Variants in MICALL1 observed in about 807,000 individuals in gnomAD.
MICALL1 encodes the protein MICAL like 1, also known as MICAL-like protein 1.
Under a neutral mutation model 83.7 loss-of-function variants are expected in MICALL1, and 61 were observed. That is an observed-to-expected ratio of 0.73 (90% CI 0.59 to 0.90). The LOEUF is 0.90. MICALL1 is among the 40% of genes least tolerant of loss of function. The pLI is 0.00. For synonymous variants in MICALL1, 481 were observed against 473.6 expected, an observed-to-expected ratio of 1.02 and a Z score of -0.20; for missense variants, 1,066 against 1,152.0, an observed-to-expected ratio of 0.93 and a Z score of 1.08.
chr22:37,935,914 G>A (rs930272161), intron 13 of MICALL1, among the ~76,000 whole-genome samples: 1 of 151,914 alleles, frequency 6.6e-6, no homozygotes, highest in African/African-American at 2.4e-5. Context: ...ATTTTTAGTA[G>A]AGACGAGGTT....
At position 37,927,487 on chromosome 22, in the gene MICALL1, G is replaced by C. The variant is rs767551598; in HGVS notation, c.1542G>C (p.Leu514=). Residue 514 remains leucine, a synonymous_variant, in exon 9 of 16, where the codon CTG becomes CTC. Transcript: ENST00000215957. The part of the protein sequence containing the change: ...TPSPALSVES[L]SSESASQTAG... The stretch of plus-strand genomic sequence containing the variant: ...CGCCAGCGCTCAGCGTGGAGAGCCT[G>C]TCGTCTGAGAGCGCCAGCCAGACTG... 1 of 1,612,024 alleles carries C rather than the reference G, an allele frequency of 6.2e-7. No individual in the cohort carries two copies. The highest frequency in any genetic ancestry group is 1.1e-5 in the South Asian group (1 of 91,058).
intron 14 of MICALL1, 37 bp downstream of exon 14, chr22:37,937,231 G>A (rs1283478485): frequency 6.8e-7 from 1 of 1,475,100 alleles, no homozygotes; most frequent in Non-Finnish European, 9.2e-7. Context: ...TGGGGGCAGG[G>A]CCAGAGCAGG....
rs9610875 is a variant in MICALL1, at chr22:37,927,500, G to T, written c.1555G>T (p.Ala519Ser). 377,273 of 1,612,308 alleles carry T rather than the reference G, an allele frequency of 0.23. 46,204 individuals carry two copies. Among genetic ancestry groups the T allele is most frequent in the Admixed American group, 0.28 (16,951 of 59,968 alleles). ...CGTGGAGAGCCTGTCGTCTGAGAGC[G>T]CCAGCCAGACTGCAGGTGCAGAGCT... is the stretch of plus-strand genomic sequence containing the variant. Reference protein sequence around the residue: ...LSVESLSSESASQTAGAELLE... With the variant: ...LSVESLSSESSSQTAGAELLE... Residue 519 changes from alanine to serine, a missense_variant, in exon 9 of 16, where the codon GCC becomes TCC. Transcript: ENST00000215957.
intron 4 of MICALL1, among the ~76,000 whole-genome samples, chr22:37,918,264 G>A (rs1322031707): frequency 6.6e-6 from 1 of 152,228 alleles, no homozygotes; most frequent in Non-Finnish European, 1.5e-5. Flanking sequence ...AGGAAACTGA[G>A]GCTCAGTGAG....
At chr22:37,928,852 G>T (rs1052251827) in intron 9 of MICALL1, among the ~76,000 whole-genome samples, 4 of 152,152 alleles carry the variant, frequency 2.6e-5, no homozygotes, top group Non-Finnish European at 4.4e-5. Flanking sequence ...GGCTGGGCGT[G>T]GTGGCTCACA....
At position 37,937,767 on chromosome 22, in the gene MICALL1, G is replaced by A. The variant is rs753083334; in HGVS notation, c.2445G>A (p.Met815Ile). The A allele has an allele frequency of 3.1e-6, 5 of 1,613,686 alleles. No homozygotes were observed. In the South Asian group the frequency reaches 4.4e-5, roughly 14 times the overall value. The change falls in exon 15 of 16, where the codon ATG (methionine) becomes ATA (isoleucine). Residue 815 changes from methionine to isoleucine, a missense_variant. Transcript: ENST00000215957. ...TCAGGGAGGAAGAGGAAGACAAGAT[G>A]TTGGAAGCCATGATCAAGAAGAAAG... Reference protein sequence around the residue: ...DRQREEEEDKMLEAMIKKKEF... With the variant: ...DRQREEEEDKILEAMIKKKEF...
intron 3 of MICALL1, among the ~76,000 whole-genome samples, chr22:37,915,906 C>G (rs1169464607): frequency 6.6e-6 from 1 of 152,196 alleles, no homozygotes; most frequent in African/African-American, 2.4e-5. Context: ...CTTGGCCTCC[C>G]AAAGTGCTGG....
At chr22:37,921,014 G>A (rs1399539177) in intron 5 of MICALL1, among the ~76,000 whole-genome samples, 2 of 151,916 alleles carry the variant, frequency 1.3e-5, no homozygotes, top group Non-Finnish European at 2.9e-5. Flanking sequence ...CTTGAGCCCA[G>A]GAGTTTGAGG....
At position 37,931,951 on chromosome 22, in the gene MICALL1, C is replaced by T; in HGVS notation, c.2016+18C>T. On this transcript the variant is annotated intron_variant, in intron 10 of 15. Transcript: ENST00000215957. ...AACGCAAGGTACCAGCTGGGAGCCC[C>T]CCGAGACCAGGCTGGCCTGGGCTGG... 6.2e-7 allele frequency: 1 copy of T among 1,611,818 alleles called. No homozygotes were observed. Among genetic ancestry groups the T allele is most frequent in the Non-Finnish European group, 8.5e-7 (1 of 1,179,182 alleles).
At chr22:37,931,750 A>G (rs6000944) in intron 9 of MICALL1, 49 bp from the exon 10 acceptor site, 1 of 1,609,532 alleles carries the variant, frequency 6.2e-7, no homozygotes, top group Non-Finnish European at 8.5e-7. Context: ...CTGGGGTCTC[A>G]CGTGCCCTCT....
At chr22:37,931,595 G>A (rs1056665912) in intron 9 of MICALL1, among the ~76,000 whole-genome samples, 7 of 152,100 alleles carry the variant, frequency 4.6e-5, no homozygotes, top group African/African-American at 1.7e-4. Context: ...ACTGACACAC[G>A]GGAAGAGCTC....
Position 37,934,962 on chromosome 22 carries a change from C to T in MICALL1, c.2308+1850C>T, listed in dbSNP as rs973989153. ...TATTTTATTTTTTGAGATGGAGTCT[C>T]ACTCTGTTGCCCAGGCTGGAGGGCA... is the stretch of plus-strand genomic sequence containing the variant. On this transcript the variant is annotated intron_variant, in intron 13 of 15. Coordinates refer to ENST00000215957, the MANE Select transcript of MICALL1 (RefSeq NM_033386.4). Among the ~76,000 whole-genome samples the T allele has an allele frequency of 4.7e-5, 7 of 150,422 alleles. No individual in the cohort carries two copies. The Admixed American group carries it at 4.7e-4, about 10-fold the overall frequency.
intron 4 of MICALL1, among the ~76,000 whole-genome samples, chr22:37,918,050 A>G (rs1234519438): frequency 2.6e-5 from 4 of 152,240 alleles, no homozygotes; most frequent in Non-Finnish European, 5.9e-5. Context: ...AGGTGGGGTC[A>G]GGAGATGCCA....
intron 3 of MICALL1, among the ~76,000 whole-genome samples, 198 bp downstream of exon 3, chr22:37,912,690 G>A: frequency 7.0e-6 from 1 of 143,300 alleles, no homozygotes; most frequent in South Asian, 2.3e-4. Context: ...TTTTTGAGAT[G>A]GAGTCTTGCC....
rs1928348358 is a variant in MICALL1, at chr22:37,911,928, CCCTCCT to C, written c.147-21_147-16del. On this transcript the variant is annotated intron_variant, in intron 1 of 15. Transcript: ENST00000215957. ...CCCAGTCACCTCCCCTCTTGACCAA[CCCTCCT>C]CCCTTTGCCTCTTGCAGAGATTTTG... 5.6e-6 allele frequency: 9 copies of C among 1,613,944 alleles called. No homozygotes were observed. Among genetic ancestry groups the C allele is most frequent in the Non-Finnish European group, 7.6e-6 (9 of 1,179,796 alleles).
At chr22:37,940,661 G>A (rs775945646) in intron 15 of MICALL1, 48 bp from the exon 16 acceptor site, 3 of 1,607,228 alleles carry the variant, frequency 1.9e-6, no homozygotes, top group Non-Finnish European at 2.6e-6. Flanking sequence ...TGCCCTGGAT[G>A]TACCCCTCTT....
Position 37,922,299 on chromosome 22 carries a change from C to A in MICALL1, c.897C>A (p.Gly299=), listed in dbSNP as rs754818226. The A allele has an allele frequency of 3.9e-6, 6 of 1,546,222 alleles. No homozygotes were observed. Among genetic ancestry groups the A allele is most frequent in the Non-Finnish European group, 5.2e-6 (6 of 1,146,336 alleles). Residue 299 remains glycine (G), a synonymous_variant, in exon 6 of 16, where the codon GGC becomes GGA. Transcript: ENST00000215957. ...AGGAGCTGGCCAGCCCCCCTGCGGG[C>A]CGCCCCACCCCTGCCCCCAGGAAGG... is the stretch of plus-strand genomic sequence containing the variant. ...KLQELASPPA[G]RPTPAPRKAS... is the part of the protein sequence containing the mutation.
In MICALL1 at chr22:37,925,962, C is replaced by T. The variant is rs1317234204; in HGVS notation, c.1384C>T (p.Pro462Ser). Reference sequence around the variant, plus strand: ...GGAGTCCACACCCAAGTCCCTGCACCCCTGGTACGGCATCACCCCTACCAG... The same window carrying T: ...GGAGTCCACACCCAAGTCCCTGCACTCCTGGTACGGCATCACCCCTACCAG... ...HPESTPKSLH[P>S]WYGITPTSSP... The change falls in exon 8 of 16, where the codon CCC becomes TCC. Residue 462 changes from proline (P) to serine (S), a missense_variant. Transcript: ENST00000215957. 2 of 1,613,800 alleles carry T rather than the reference C, an allele frequency of 1.2e-6. No homozygotes were observed. Among genetic ancestry groups the T allele is most frequent in the African/African-American group, 2.7e-5 (2 of 74,936 alleles).
At position 37,906,651 on chromosome 22, in the gene MICALL1, C is replaced by G. The variant is rs1927967474; in HGVS notation, c.146+83C>G. The G allele has an allele frequency of 1.8e-6, 2 of 1,109,694 alleles. No homozygotes were observed. The highest frequency in any genetic ancestry group is 1.1e-6 in the Non-Finnish European group (1 of 905,342). The allele number at this position is 1,109,694 out of a possible 1,614,324, so 68.7% of individuals were successfully genotyped here. On this transcript the variant is annotated intron_variant, in intron 1 of 15. Transcript: ENST00000215957. The surrounding 1 kb of genome is among the most constrained non-coding windows in gnomAD (Gnocchi z 4.4). ...CGCCCCCCCTCAGTAACACGAAGCC[C>G]GGGCGGTGACAGGCGCCGCCCCCGG...
Sources: gnomAD v4.1 joint callset for allele counts (sites outside exome capture counted in the v4.1 genomes callset) on GRCh38, gnomAD v4.1.1 for gene constraint, Gnocchi (gnomAD v3.1) non-coding constraint, MANE v1.5 for transcripts, NCBI Gene and HGNC (gene_info 2026-07-23, HGNC 2026-07-21) for gene names.